TMC1: variants seen among roughly 807,000 people sequenced by gnomAD.
TMC1 encodes transmembrane channel-like protein 1.
TMC1 carries 84 observed loss-of-function variants against 105.8 expected under a neutral mutation model. That is an observed-to-expected ratio of 0.79 (90% CI 0.67 to 0.95). The LOEUF is 0.95. Among genes scored for constraint, TMC1 ranks in the 40% least tolerant of loss-of-function variants. TMC1 has a pLI of 0.00. For missense variants in TMC1, 817 were observed against 914.1 expected, an observed-to-expected ratio of 0.89 and a Z score of 1.37; for synonymous variants, 315 against 311.5, an observed-to-expected ratio of 1.01 and a Z score of -0.12.
chr9:72,730,524 A>G (rs931669584), intron 8 of TMC1, among the ~76,000 whole-genome samples: 1 of 152,188 alleles, frequency 6.6e-6, no homozygotes, highest in African/African-American at 2.4e-5. Flanking sequence ...TTACAAAAAT[A>G]TTGATGCCAT....
At chr9:72,632,298 C>A (rs1258202954) in intron 4 of TMC1, among the ~76,000 whole-genome samples, 2 of 152,178 alleles carry the variant, frequency 1.3e-5, no homozygotes, top group African/African-American at 4.8e-5. Context: ...TCAAGACATT[C>A]ATGAGGAATC....
chr9:72,571,456 CT>C (rs1674309385), intron 1 of TMC1, among the ~76,000 whole-genome samples: 2 of 109,926 alleles, frequency 1.8e-5, no homozygotes, highest in South Asian at 3.1e-4. Context: ...TTTTTTTTTT[CT>C]TTTTTTTTGA....
At chr9:72,603,418 CA>C (rs1824853632) in intron 2 of TMC1, among the ~76,000 whole-genome samples, 1 of 147,766 alleles carries the variant, frequency 6.8e-6, no homozygotes, top group Non-Finnish European at 1.5e-5. Context: ...CACACACACA[CA>C]CACCACACTC....
At chr9:72,637,597 T>G (rs925626681) in intron 4 of TMC1, among the ~76,000 whole-genome samples, 1 of 152,218 alleles carries the variant, frequency 6.6e-6, no homozygotes, top group African/African-American at 2.4e-5. Context: ...GATTGTAATA[T>G]TAGAAGACCT....
At chr9:72,555,258 C>T (rs1437219645) in intron 1 of TMC1, among the ~76,000 whole-genome samples, 2 of 149,336 alleles carry the variant, frequency 1.3e-5, no homozygotes, top group African/African-American at 5.0e-5. Context: ...TGCAATTGCA[C>T]GTTCTCCGCT....
At chr9:72,682,815 CA>C (rs1275571287) in intron 5 of TMC1, among the ~76,000 whole-genome samples, 1 of 152,146 alleles carries the variant, frequency 6.6e-6, no homozygotes, top group Non-Finnish European at 1.5e-5. Flanking sequence ...TTAATTGGCT[CA>C]TGGTTCTGCA....
intron 8 of TMC1, among the ~76,000 whole-genome samples, chr9:72,711,471 G>A (rs1826834546): frequency 6.6e-6 from 1 of 152,194 alleles, no homozygotes; most frequent in Non-Finnish European, 1.5e-5. Context: ...TAACTGGCGT[G>A]AGATGGTATC....
intron 12 of TMC1, among the ~76,000 whole-genome samples, chr9:72,760,206 T>C (rs551052205): frequency 6.6e-6 from 1 of 152,302 alleles, no homozygotes; most frequent in South Asian, 2.1e-4. Flanking sequence ...AATTAATTTA[T>C]TTTTGAAATA....
At chr9:72,564,609 G>C (rs1313764082) in intron 1 of TMC1, among the ~76,000 whole-genome samples, 1 of 152,194 alleles carries the variant, frequency 6.6e-6, no homozygotes, top group Non-Finnish European at 1.5e-5. Flanking sequence ...GATAGGTGGT[G>C]CTGGAAAAAA....
At chr9:72,551,483 C>A (rs1392453071) in intron 1 of TMC1, among the ~76,000 whole-genome samples, 4 of 152,188 alleles carry the variant, frequency 2.6e-5, no homozygotes, top group Admixed American at 6.5e-5. Context: ...AAATCTCCTT[C>A]CCCCTGTTGA....
chr9:72,792,341 A>G lies in TMC1; in HGVS notation c.1555A>G (p.Met519Val), dbSNP rs1189320333. ...ACCTCGAGGACCTTGCTGGGAAACA[A>G]TGGTGGGACAGGTAATGCCACCAAC... ...DVPRGPCWET[M>V]VGQEFVRLTV... The change falls in exon 17 of 24, where the codon ATG becomes GTG. Residue 519 changes from methionine (M) to valine (V), a missense_variant. Met to Val is a conservative substitution (Grantham distance 21). Transcript: ENST00000297784. 1.2e-6 allele frequency: 2 copies of G among 1,614,054 alleles called. No individual in the cohort carries two copies.
At chr9:72,727,932 A>T (rs1364133997) in intron 8 of TMC1, among the ~76,000 whole-genome samples, 1 of 152,156 alleles carries the variant, frequency 6.6e-6, no homozygotes, top group Non-Finnish European at 1.5e-5. Context: ...ATCCAGAGAG[A>T]CATTTATAAA....
intron 2 of TMC1, among the ~76,000 whole-genome samples, chr9:72,605,411 A>G (rs1490177997): frequency 6.6e-6 from 1 of 152,112 alleles, no homozygotes; most frequent in Non-Finnish European, 1.5e-5. Flanking sequence ...AGAAACATGC[A>G]TTCTGGAGGC....
intron 8 of TMC1, among the ~76,000 whole-genome samples, chr9:72,720,246 T>C (rs1826999083): frequency 1.3e-5 from 2 of 152,212 alleles, no homozygotes; most frequent in South Asian, 4.1e-4. Flanking sequence ...CTTGGTATGA[T>C]GGAGGTCTCT....
chr9:72,536,337 A>T (rs949841998), intron 1 of TMC1, among the ~76,000 whole-genome samples: 1 of 152,130 alleles, frequency 6.6e-6, no homozygotes, highest in Non-Finnish European at 1.5e-5. Flanking sequence ...AGTGCGGCAG[A>T]CATTCTTTTT....
intron 4 of TMC1, among the ~76,000 whole-genome samples, chr9:72,630,241 A>G (rs1825426039): frequency 6.6e-6 from 1 of 152,212 alleles, no homozygotes; most frequent in African/African-American, 2.4e-5. Context: ...TTAGTACACA[A>G]TTACATGTTA....
intron 2 of TMC1, among the ~76,000 whole-genome samples, chr9:72,601,201 C>G (rs867455043): frequency 2.0e-5 from 3 of 150,082 alleles, no homozygotes; most frequent in East Asian, 3.9e-4. Context: ...CACAGACACA[C>G]ACACACACAC....
chr9:72,735,029 T>C (rs1358030157), intron 8 of TMC1, among the ~76,000 whole-genome samples: 3 of 152,252 alleles, frequency 2.0e-5, no homozygotes, highest in African/African-American at 7.2e-5. Flanking sequence ...AAAGCATTCT[T>C]GAAAGACCAT....
At chr9:72,645,100 G>A (rs1197913323) in intron 4 of TMC1, among the ~76,000 whole-genome samples, 2 of 152,180 alleles carry the variant, frequency 1.3e-5, no homozygotes, top group East Asian at 3.8e-4. Flanking sequence ...GCCCACAGCA[G>A]CAGACCATCC....
Sources: allele counts gnomAD v4.1 joint callset (sites outside exome capture counted in the v4.1 genomes callset), GRCh38; gene constraint gnomAD v4.1.1; transcripts MANE v1.5; gene names NCBI Gene and HGNC (gene_info 2026-07-23, HGNC 2026-07-21).